CEP135: variants seen among roughly 807,000 people sequenced by gnomAD.
The protein encoded by CEP135 is centrosomal protein 135.
CEP135 carries 142 observed loss-of-function variants against 157.3 expected under a neutral mutation model. The ratio of observed to expected loss-of-function variants is 0.90; its 90% CI spans 0.79 to 1.04. The LOEUF (loss-of-function observed/expected upper bound fraction) is 1.04. CEP135 is among the 50% of genes least tolerant of loss of function. The probability of loss-of-function intolerance (pLI) is 0.00; values close to 1 mark genes in which losing one functional copy is unlikely to be tolerated. For synonymous variants in CEP135, 396 were observed against 439.8 expected (o/e 0.90, Z 1.25); for missense variants, 1,317 against 1,309.2 (o/e 1.01, Z -0.09).
At chr4:55,974,541 T>C (rs1171046568) in intron 10 of CEP135, among the ~76,000 whole-genome samples, 3 of 152,188 alleles carry the variant, frequency 2.0e-5, no homozygotes, top group African/African-American at 7.2e-5. Flanking sequence ...TATTGGACTT[T>C]ATTTAAACTT....
chr4:55,962,511 C>T (rs908347527), intron 6 of CEP135, among the ~76,000 whole-genome samples: 1 of 152,196 alleles, frequency 6.6e-6, no homozygotes, highest in African/African-American at 2.4e-5. Context: ...TGCTTCTCCA[C>T]CTCCTGCTCA....
intron 17 of CEP135, among the ~76,000 whole-genome samples, chr4:56,003,743 C>T (rs1053852925): frequency 6.6e-6 from 1 of 150,752 alleles, no homozygotes; most frequent in African/African-American, 2.4e-5. Flanking sequence ...GTTTTTGAGA[C>T]AGAGTCTCAC....
At chr4:55,959,260 T>C (rs1396474259) in intron 5 of CEP135, among the ~76,000 whole-genome samples, 1 of 152,226 alleles carries the variant, frequency 6.6e-6, no homozygotes, top group Non-Finnish European at 1.5e-5. Flanking sequence ...TATGATCTTT[T>C]TTCCAGGGTT....
chr4:55,977,397 A>T (rs913381883), intron 11 of CEP135, among the ~76,000 whole-genome samples: 1 of 152,160 alleles, frequency 6.6e-6, no homozygotes, highest in Non-Finnish European at 1.5e-5. Flanking sequence ...GTGCTTTGCA[A>T]TTGGAGCCTA....
At position 56,020,789 on chromosome 4, in the gene CEP135, A is replaced by G. The variant is rs749165470; in HGVS notation, c.3320+9A>G. On this transcript the variant is annotated intron_variant, in intron 24 of 25. Transcript: ENST00000257287. ...ACTGAAAGATACGAACGGTAAGACAAATTTTTTTTACATTTGACAATGTTT... is the reference window on the plus strand; with the variant it reads ...ACTGAAAGATACGAACGGTAAGACAGATTTTTTTTACATTTGACAATGTTT... 72 of 1,600,268 alleles carry G rather than the reference A, an allele frequency of 4.5e-5. No individual in the cohort carries two copies. Among genetic ancestry groups the G allele is most frequent in the Non-Finnish European group, 6.0e-5 (70 of 1,169,908 alleles).
At chr4:55,978,084 C>T (rs913277034) in intron 11 of CEP135, among the ~76,000 whole-genome samples, 2 of 152,136 alleles carry the variant, frequency 1.3e-5, no homozygotes, top group African/African-American at 4.8e-5. Flanking sequence ...CACAATTATA[C>T]ATTAACACTA....
chr4:55,952,465 G>GAAATGGAATTACAGT (rs1728385828), intron 2 of CEP135: 1 of 344,052 alleles, frequency 2.9e-6, no homozygotes, highest in South Asian at 1.2e-4. Context: ...ATTTCTGGGG[G>GAAATGGAATTACAGT]TTTTCTCTGT....
In CEP135 at chr4:55,952,079, C is replaced by A. The variant is rs1728374791; in HGVS notation, c.-45-7C>A. On this transcript the variant is annotated splice_polypyrimidine_tract_variant and splice_region_variant and intron_variant, in intron 1 of 25. Transcript: ENST00000257287. Reference sequence around the variant, plus strand: ...TAAGATAATGATGTTTCATTCTTTTCTCTCAGGACTTTAATTTTTGGAAGT... The same window carrying A: ...TAAGATAATGATGTTTCATTCTTTTATCTCAGGACTTTAATTTTTGGAAGT... 1 of 866,846 alleles carries A rather than the reference C, an allele frequency of 1.2e-6. No homozygotes were observed. Among genetic ancestry groups the A allele is most frequent in the Non-Finnish European group, 1.9e-6 (1 of 532,316 alleles). The allele number at this position is 866,846 out of a possible 1,614,324, so 53.7% of individuals were successfully genotyped here.
intron 19 of CEP135, among the ~76,000 whole-genome samples, chr4:56,010,632 A>C (rs994569721): frequency 6.6e-6 from 1 of 152,146 alleles, no homozygotes; most frequent in Non-Finnish European, 1.5e-5. Flanking sequence ...TTATTTGTGC[A>C]AGCTTCTGTC....
At chr4:55,998,150 G>T (rs1387081876) in intron 15 of CEP135, among the ~76,000 whole-genome samples, 1 of 152,032 alleles carries the variant, frequency 6.6e-6, no homozygotes, top group Non-Finnish European at 1.5e-5. Flanking sequence ...CCCTTTAGGC[G>T]ATTCTAAGCT....
chr4:55,950,909 A>T (rs1190944688), intron 1 of CEP135, among the ~76,000 whole-genome samples: 5 of 152,150 alleles, frequency 3.3e-5, no homozygotes, highest in Non-Finnish European at 7.3e-5. Context: ...TTGTGTCTTA[A>T]CTCTTAACGG....
chr4:55,957,313 C>T lies in CEP135; in HGVS notation c.563C>T (p.Pro188Leu). 1.9e-6 allele frequency: 3 copies of T among 1,614,096 alleles called. No individual in the cohort carries two copies. Among genetic ancestry groups the T allele is most frequent in the Non-Finnish European group, 2.5e-6 (3 of 1,179,988 alleles). Residue 188 changes from proline to leucine, a missense_variant, in exon 5 of 26, where the codon CCT becomes CTT. Coordinates refer to ENST00000257287, the MANE Select transcript of CEP135 (RefSeq NM_025009.5). ...PPSEVSSYPV[P>L]QPDDPYIADL... ...TCTGAAGTCAGTTCATATCCAGTTC[C>T]TCAACCAGATGACCCTTACATTGCA...
chr4:55,968,575 G>A (rs1246122609), intron 8 of CEP135, among the ~76,000 whole-genome samples: 4 of 151,894 alleles, frequency 2.6e-5, no homozygotes, highest in Admixed American at 6.6e-5. Context: ...TTCTATCCTT[G>A]TGCACACAGC....
At chr4:55,976,393 G>A (rs1403851490) in intron 11 of CEP135, among the ~76,000 whole-genome samples, 2 of 152,032 alleles carry the variant, frequency 1.3e-5, no homozygotes, top group Admixed American at 6.6e-5. Flanking sequence ...CATTTTTATT[G>A]TATAGAGGAA....
chr4:56,019,862 C>G (rs1730915246), intron 23 of CEP135, among the ~76,000 whole-genome samples: 2 of 152,156 alleles, frequency 1.3e-5, no homozygotes, highest in African/African-American at 4.8e-5. Flanking sequence ...TCACTTGAAC[C>G]CAGGAGGTGG....
chr4:55,959,561 T>C, intron 5 of CEP135, 121 bp from the exon 6 acceptor site: 1 of 791,962 alleles, frequency 1.3e-6, no homozygotes, highest in Non-Finnish European at 2.1e-6. Flanking sequence ...TTTGGCACAG[T>C]ACGTCCTACC....
At chr4:56,005,668 C>G (rs945849223) in intron 17 of CEP135, among the ~76,000 whole-genome samples, 2 of 152,154 alleles carry the variant, frequency 1.3e-5, no homozygotes, top group African/African-American at 4.8e-5. Flanking sequence ...GGGTTTGTCT[C>G]TGTATTTAAT....
intron 25 of CEP135, among the ~76,000 whole-genome samples, chr4:56,030,460 T>A (rs907507423): frequency 4.6e-5 from 7 of 152,278 alleles, no homozygotes; most frequent in Admixed American, 3.9e-4. Context: ...TTGTTTTGTT[T>A]TAGAGACAAG....
chr4:56,007,430 G>C (rs893321214), intron 17 of CEP135, among the ~76,000 whole-genome samples: 2 of 152,130 alleles, frequency 1.3e-5, no homozygotes, highest in Non-Finnish European at 2.9e-5. Context: ...TGTGCCCAGG[G>C]GACCTGTGGA....
Sources: gnomAD v4.1 joint callset for allele counts (sites outside exome capture counted in the v4.1 genomes callset) on GRCh38, gnomAD v4.1.1 for gene constraint, MANE v1.5 for transcripts, NCBI Gene and HGNC (gene_info 2026-07-23, HGNC 2026-07-21) for gene names.